The following SCD5 variants were observed in gnomAD, a reference collection of about 807,000 sequenced individuals.
The protein encoded by SCD5 is acyl-CoA-desaturase 4.
Under a neutral mutation model 30.4 loss-of-function variants are expected in SCD5, and 20 were observed. The observed-to-expected ratio is 0.66, with a 90% CI of 0.46 to 0.96. The LOEUF (loss-of-function observed/expected upper bound fraction) is 0.96, where lower values mean the gene tolerates loss of function less well. Among genes scored for constraint, SCD5 ranks in the 40% least tolerant of loss-of-function variants. The pLI is 0.00. For synonymous variants in SCD5, 173 were observed against 176.4 expected, an observed-to-expected ratio of 0.98 and a Z score of 0.16; for missense variants, 381 against 443.3, an observed-to-expected ratio of 0.86 and a Z score of 1.26.
intron 3 of SCD5, among the ~76,000 whole-genome samples, chr4:82,658,598 C>G (rs1727915835): frequency 7.1e-6 from 1 of 140,698 alleles, no homozygotes; most frequent in East Asian, 2.2e-4. Flanking sequence ...TCCTGAGTAG[C>G]TGGGACTACA....
chr4:82,703,752 A>G (rs1222814975), intron 2 of SCD5, among the ~76,000 whole-genome samples: 1 of 152,236 alleles, frequency 6.6e-6, no homozygotes, highest in Non-Finnish European at 1.5e-5. Flanking sequence ...GTCCAATAAT[A>G]GAAATGTTTT....
chr4:82,632,774 ACTCT>A (rs35983451), intron 4 of SCD5, among the ~76,000 whole-genome samples: 89,892 of 151,356 alleles, frequency 0.59, 27,702 homozygotes, highest in Middle Eastern at 0.71. Context: ...GATTTGCATG[ACTCT>A]CTCACTTTTT....
intron 4 of SCD5, among the ~76,000 whole-genome samples, chr4:82,635,464 CA>C (rs1010583008): frequency 2.0e-5 from 3 of 151,750 alleles, no homozygotes; most frequent in Non-Finnish European, 4.4e-5. Context: ...CTAAAAAATA[CA>C]AAAAAATTAG....
At chr4:82,713,040 T>C (rs1720144234) in intron 1 of SCD5, among the ~76,000 whole-genome samples, 1 of 152,190 alleles carries the variant, frequency 6.6e-6, no homozygotes, top group Admixed American at 6.5e-5. Flanking sequence ...AACCGGCAGC[T>C]CCTCTCTGCC....
intron 1 of SCD5, among the ~76,000 whole-genome samples, chr4:82,743,382 G>A (rs561889089): frequency 2.2e-4 from 33 of 152,050 alleles, no homozygotes; most frequent in Non-Finnish European, 4.3e-4. Context: ...GGGGTATAGT[G>A]GCTCATACCT....
chr4:82,761,925 C>A (rs1721380414), intron 1 of SCD5, among the ~76,000 whole-genome samples: 1 of 151,984 alleles, frequency 6.6e-6, no homozygotes, highest in Non-Finnish European at 1.5e-5. Context: ...GTAATCCCAG[C>A]ACTTTGGGAG....
chr4:82,737,092 A>T (rs1196998271), intron 1 of SCD5, among the ~76,000 whole-genome samples: 1 of 152,126 alleles, frequency 6.6e-6, no homozygotes, highest in Non-Finnish European at 1.5e-5. Context: ...ATGGTTTACT[A>T]CACTTCGCCA....
At chr4:82,676,391 C>T (rs1460278407) in intron 3 of SCD5, among the ~76,000 whole-genome samples, 1 of 152,186 alleles carries the variant, frequency 6.6e-6, no homozygotes, top group African/African-American at 2.4e-5. Flanking sequence ...CCAACATTTG[C>T]AGGTTTCAAG....
At chr4:82,701,427 T>C (rs1334083090) in intron 2 of SCD5, among the ~76,000 whole-genome samples, 1 of 152,098 alleles carries the variant, frequency 6.6e-6, no homozygotes, top group Non-Finnish European at 1.5e-5. Context: ...TTGGTAGATA[T>C]TAGTCCAACT....
At chr4:82,650,437 G>A (rs977113259) in intron 3 of SCD5, among the ~76,000 whole-genome samples, 2 of 152,194 alleles carry the variant, frequency 1.3e-5, no homozygotes, top group African/African-American at 4.8e-5. Flanking sequence ...GCTCATGCCT[G>A]TAATCCCAGC....
intron 1 of SCD5, among the ~76,000 whole-genome samples, chr4:82,796,464 G>C (rs1722223368): frequency 1.3e-5 from 2 of 152,090 alleles, no homozygotes; most frequent in East Asian, 3.8e-4. Flanking sequence ...CAGAACAAAG[G>C]TTCTATCTTC....
chr4:82,644,300 C>T (rs1337639412), intron 3 of SCD5, among the ~76,000 whole-genome samples: 2 of 152,218 alleles, frequency 1.3e-5, no homozygotes, highest in South Asian at 2.1e-4. Context: ...CTCCCCTTTA[C>T]CCATCTTGCT....
At chr4:82,774,214 A>G (rs1169847696) in intron 1 of SCD5, among the ~76,000 whole-genome samples, 7 of 152,176 alleles carry the variant, frequency 4.6e-5, no homozygotes, top group Admixed American at 1.3e-4. Flanking sequence ...TAACATCAAC[A>G]CTGCAACAAC....
At chr4:82,641,608 A>G (rs535962961) in intron 3 of SCD5, among the ~76,000 whole-genome samples, 3 of 152,316 alleles carry the variant, frequency 2.0e-5, no homozygotes, top group African/African-American at 7.2e-5. Context: ...CCCTGAAGCC[A>G]TGCAGACTGG....
At chr4:82,693,667 A>T (rs1427508731) in intron 2 of SCD5, among the ~76,000 whole-genome samples, 1 of 152,200 alleles carries the variant, frequency 6.6e-6, no homozygotes, top group Non-Finnish European at 1.5e-5. Flanking sequence ...GGTGAGAGGC[A>T]AGCCCATGTC....
intron 3 of SCD5, among the ~76,000 whole-genome samples, chr4:82,640,066 C>T (rs776403270): frequency 9.9e-5 from 15 of 152,240 alleles, no homozygotes; most frequent in Middle Eastern, 3.4e-3. Context: ...AGGGAGAGGC[C>T]GAGGCCCGCT....
chr4:82,730,659 C>G (rs1042376254), intron 1 of SCD5, among the ~76,000 whole-genome samples: 1 of 145,456 alleles, frequency 6.9e-6, no homozygotes, highest in Non-Finnish European at 1.5e-5. Flanking sequence ...GATCTTGGCT[C>G]ACTGCATGCT....
intron 1 of SCD5, among the ~76,000 whole-genome samples, chr4:82,768,253 G>A (rs2148847677): frequency 6.6e-6 from 1 of 152,260 alleles, no homozygotes; most frequent in South Asian, 2.1e-4. Flanking sequence ...GACATTTGCT[G>A]GCTTATGGCA....
chr4:82,754,746 G>A (rs1255329472), intron 1 of SCD5, among the ~76,000 whole-genome samples: 2 of 152,244 alleles, frequency 1.3e-5, no homozygotes, highest in East Asian at 3.8e-4. Context: ...CTGGAAAGTG[G>A]GGGAACCCAT....
Sources: allele counts gnomAD v4.1 joint callset (sites outside exome capture counted in the v4.1 genomes callset), GRCh38; gene constraint gnomAD v4.1.1; transcripts MANE v1.5; gene names NCBI Gene and HGNC (gene_info 2026-07-23, HGNC 2026-07-21).